Variants in MYT1L observed in about 807,000 individuals in gnomAD.
MYT1L encodes myelin transcription factor 1-like protein.
In MYT1L, 12 loss-of-function variants were observed where a neutral mutation model predicts 126.7. The observed-to-expected ratio is 0.09, with a 90% confidence interval of 0.06 to 0.15. The LOEUF (loss-of-function observed/expected upper bound fraction) is 0.15, where lower values mean the gene tolerates loss of function less well. MYT1L is among the 10% of genes least tolerant of loss of function. The probability of loss-of-function intolerance (pLI) is 1.00; values close to 1 mark genes in which losing one functional copy is unlikely to be tolerated. For synonymous variants in MYT1L, 541 were observed against 604.2 expected (o/e 0.90, Z 1.53); for missense variants, 979 against 1,585.2 (o/e 0.62, Z 6.49).
At chr2:2,006,087 C>T (rs1213384804) in intron 4 of MYT1L, among the ~76,000 whole-genome samples, 2 of 151,874 alleles carry the variant, frequency 1.3e-5, no homozygotes, top group Admixed American at 6.6e-5. Context: ...TTCCTGCATG[C>T]CTTCTTTCCT....
Position 1,943,341 on chromosome 2 carries a change from A to G in MYT1L, c.153-7T>C, listed in dbSNP as rs191453776. ...CAAGGGACAACCATATACACTAATT[A>G]AAAAAATAGAGAAGGCAGGGGAGAG... On this transcript the variant is annotated splice_polypyrimidine_tract_variant and splice_region_variant and intron_variant, in intron 8 of 24. Transcript: ENST00000647738. This position sits in a 1 kb window ranked among gnomAD's most constrained non-coding sequence, Gnocchi z 4.4. 1 of 1,536,816 alleles carries G rather than the reference A, an allele frequency of 6.5e-7. No individual in the cohort carries two copies. The highest frequency in any genetic ancestry group is 1.4e-5 in the African/African-American group (1 of 72,146).
intron 20 of MYT1L, among the ~76,000 whole-genome samples, 191 bp from the exon 21 acceptor site, chr2:1,839,561 G>C (rs977667610): frequency 3.3e-5 from 5 of 152,244 alleles, no homozygotes; most frequent in African/African-American, 1.2e-4. Context: ...ACACTGAACT[G>C]TTTCCCCTGC....
intron 4 of MYT1L, among the ~76,000 whole-genome samples, chr2:2,003,188 C>CTGCT (rs1355999367): frequency 6.6e-6 from 1 of 152,138 alleles, no homozygotes; most frequent in Non-Finnish European, 1.5e-5. Context: ...TTCCCATGGC[C>CTGCT]TGCTCTGCAT....
chr2:1,922,580 C>A lies in MYT1L; in HGVS notation c.1189G>T (p.Ala397Ser), dbSNP rs755926766. 5.7e-5 allele frequency: 92 copies of A among 1,613,898 alleles called. No homozygotes were observed. Among genetic ancestry groups the A allele is most frequent in the Admixed American group, 1.2e-4 (7 of 60,006 alleles). ...EQLSPRSRVF[A>S]SCAKEDGCHE... ...CACCCATCCTCCTTCGCACAGCTGG[C>A]AAACACTCTCGACCGGGGGCTCAAC... Residue 397 changes from alanine (A) to serine (S), a missense_variant, in exon 10 of 25, where the codon GCC (alanine) becomes TCC (serine). By Grantham distance (99) the Ala-to-Ser change is moderately conservative. Coordinates refer to ENST00000647738, the MANE Select transcript of MYT1L (RefSeq NM_001303052.2). The surrounding 1 kb of genome is among the most constrained non-coding windows in gnomAD (Gnocchi z 7.4).
rs2032724724 is a variant in MYT1L at position 1,793,620 on chromosome 2, A to G, written c.3277-1156T>C. Among the ~76,000 whole-genome samples, 1 of 152,112 alleles carries G rather than the reference A, an allele frequency of 6.6e-6. No individual in the cohort carries two copies. The highest frequency in any genetic ancestry group is 2.4e-5 in the African/African-American group (1 of 41,416). ...CAGCCTCAGGCCCAGACCCTCTGTT[A>G]GAAAACTGAAGCACCTCAGAGGCGC... On this transcript the variant is annotated intron_variant, in intron 23 of 24. Transcript: ENST00000647738. The surrounding 1 kb of genome is among the most constrained non-coding windows in gnomAD (Gnocchi z 4.6).
intron 18 of MYT1L, among the ~76,000 whole-genome samples, chr2:1,858,569 C>G (rs1209045421): frequency 6.6e-6 from 1 of 152,178 alleles, no homozygotes; most frequent in African/African-American, 2.4e-5. Context: ...GTAGCAGGGA[C>G]AGGAGCCCCC....
chr2:1,792,567 C>CCTTCAGCGAGAG, intron 23 of MYT1L, 103 bp from the exon 24 acceptor site: 1 of 1,278,224 alleles, frequency 7.8e-7, no homozygotes, highest in Non-Finnish European at 1.1e-6. Flanking sequence ...AGGGGCCTCT[C>CCTTCAGCGAGAG]GCTGAAGGAG....
chr2:2,321,475 G>A (rs2096164772), intron 1 of MYT1L, among the ~76,000 whole-genome samples: 1 of 152,164 alleles, frequency 6.6e-6, no homozygotes, highest in African/African-American at 2.4e-5. Context: ...GCACCAGGGA[G>A]GGGAGGTTGG....
At chr2:2,238,964 A>G (rs1395572218) in intron 2 of MYT1L, among the ~76,000 whole-genome samples, 1 of 152,186 alleles carries the variant, frequency 6.6e-6, no homozygotes, top group African/African-American at 2.4e-5. Context: ...AAAGAGTGAG[A>G]ACTGGTTAAG....
chr2:2,325,673 G>T (rs1006581109), intron 1 of MYT1L: 1 of 152,228 alleles, frequency 6.6e-6, no homozygotes, highest in African/African-American at 2.4e-5. Context: ...GAAAGGCTAC[G>T]TTAAATCATA....
At chr2:2,038,210 G>A (rs765201289) in intron 4 of MYT1L, among the ~76,000 whole-genome samples, 1 of 152,210 alleles carries the variant, frequency 6.6e-6, no homozygotes, top group Non-Finnish European at 1.5e-5. Context: ...GACTTTGTTA[G>A]AAATCATGCC....
chr2:2,169,237 C>T (rs1367138341), intron 3 of MYT1L, among the ~76,000 whole-genome samples: 1 of 152,202 alleles, frequency 6.6e-6, no homozygotes, highest in Non-Finnish European at 1.5e-5. Flanking sequence ...GAACAGCAGA[C>T]CTTTTCTCTC....
intron 19 of MYT1L, among the ~76,000 whole-genome samples, chr2:1,844,036 T>C (rs965408505): frequency 1.4e-4 from 21 of 152,196 alleles, no homozygotes; most frequent in African/African-American, 4.8e-4. Flanking sequence ...CTGTGGTCTC[T>C]TCTGGGGCAC....
At chr2:1,928,541 C>T (rs939271057) in intron 9 of MYT1L, among the ~76,000 whole-genome samples, 3 of 152,002 alleles carry the variant, frequency 2.0e-5, no homozygotes, top group Admixed American at 6.5e-5. Context: ...CACCCCAGGG[C>T]CTCCCAGGAG....
intron 2 of MYT1L, among the ~76,000 whole-genome samples, chr2:2,281,657 G>A (rs1377786469): frequency 6.6e-6 from 1 of 152,146 alleles, no homozygotes; most frequent in African/African-American, 2.4e-5. Context: ...TGAAAATACT[G>A]TCATATGAAA....
intron 18 of MYT1L, among the ~76,000 whole-genome samples, chr2:1,870,367 T>C (rs2046126832): frequency 6.6e-6 from 1 of 152,152 alleles, no homozygotes; most frequent in South Asian, 2.1e-4. Context: ...CTCCCTGTTC[T>C]GTGTGGCTAT....
chr2:1,870,877 G>T (rs1434256326), intron 18 of MYT1L, among the ~76,000 whole-genome samples: 2 of 152,226 alleles, frequency 1.3e-5, no homozygotes, highest in Non-Finnish European at 2.9e-5. Context: ...GTGGAAGCAG[G>T]TTGCAGTGTG....
At chr2:1,829,645 A>G (rs74169684) in intron 21 of MYT1L, among the ~76,000 whole-genome samples, 1,135 of 109,352 alleles carry the variant, frequency 0.01, no homozygotes, top group South Asian at 0.017. Flanking sequence ...ACCCTCCCAT[A>G]CACCTGTGAA....
At chr2:2,188,581 A>C (rs182611464) in intron 2 of MYT1L, among the ~76,000 whole-genome samples, 8 of 152,356 alleles carry the variant, frequency 5.3e-5, no homozygotes, top group African/African-American at 1.7e-4. Flanking sequence ...AGGTCTATTA[A>C]GAGTCAGACA....
Sources: gnomAD v4.1 joint callset for allele counts (sites outside exome capture counted in the v4.1 genomes callset) on GRCh38, gnomAD v4.1.1 for gene constraint, Gnocchi (gnomAD v3.1) non-coding constraint, MANE v1.5 for transcripts, NCBI Gene and HGNC (gene_info 2026-07-23, HGNC 2026-07-21) for gene names.